The following GABRB2 variants were observed in gnomAD, a reference collection of about 807,000 sequenced individuals.
GABRB2 encodes gamma-aminobutyric acid type A receptor subunit beta2, also known as gamma-aminobutyric acid receptor subunit beta-2.
GABRB2 carries 16 observed loss-of-function variants against 54.7 expected under a neutral mutation model. That is an observed-to-expected ratio of 0.29 (90% confidence interval 0.20 to 0.44). GABRB2 has a LOEUF of 0.44. Ranked by LOEUF, GABRB2 falls within the 20% of genes least tolerant of loss-of-function variation. GABRB2 has a pLI of 1.00. For missense variants in GABRB2, 355 were observed against 644.0 expected, an observed-to-expected ratio of 0.55 and a Z score of 4.86; for synonymous variants, 244 against 233.8, an observed-to-expected ratio of 1.04 and a Z score of -0.40.
intron 3 of GABRB2, among the ~76,000 whole-genome samples, chr5:161,463,555 T>TAGATATATATA (rs1236064276): frequency 5.1e-4 from 12 of 23,710 alleles, no homozygotes; most frequent in African/African-American, 2.0e-3. Context: ...ATATTTTTAT[T>TAGATATATATA]TATATATATA....
At chr5:161,370,156 T>C (rs1460619175) in intron 5 of GABRB2, among the ~76,000 whole-genome samples, 2 of 152,148 alleles carry the variant, frequency 1.3e-5, no homozygotes, top group African/African-American at 4.8e-5. Flanking sequence ...GGATATGACC[T>C]TGTCAAGAAG....
chr5:161,490,019 A>G (rs1581029208), intron 3 of GABRB2, among the ~76,000 whole-genome samples: 2 of 151,800 alleles, frequency 1.3e-5, no homozygotes, highest in Non-Finnish European at 3.0e-5. Context: ...TTGTGCTGTA[A>G]GCATAGAAGC....
intron 5 of GABRB2, among the ~76,000 whole-genome samples, chr5:161,348,986 G>A (rs538058207): frequency 6.6e-6 from 1 of 152,144 alleles, no homozygotes; most frequent in East Asian, 1.9e-4. Flanking sequence ...TAAGTGAATT[G>A]CCAACTCTCT....
intron 5 of GABRB2, among the ~76,000 whole-genome samples, chr5:161,379,936 G>C (rs1561629411): frequency 6.6e-6 from 1 of 152,080 alleles, no homozygotes; most frequent in Non-Finnish European, 1.5e-5. Flanking sequence ...AAAGGGACAA[G>C]ATGCAAAAAG....
chr5:161,495,366 T>C (rs898720157), intron 3 of GABRB2, among the ~76,000 whole-genome samples: 2 of 151,916 alleles, frequency 1.3e-5, no homozygotes, highest in East Asian at 1.9e-4. Flanking sequence ...CAAAATACTA[T>C]AGAAGAAAGA....
intron 3 of GABRB2, among the ~76,000 whole-genome samples, chr5:161,468,949 T>G (rs1758357080): frequency 6.6e-6 from 1 of 151,930 alleles, no homozygotes; most frequent in African/African-American, 2.4e-5. Context: ...ATAAAAATAT[T>G]TATGACATGA....
intron 3 of GABRB2, among the ~76,000 whole-genome samples, chr5:161,511,483 T>C (rs922104013): frequency 6.6e-6 from 1 of 151,986 alleles, no homozygotes; most frequent in African/African-American, 2.4e-5. Context: ...ACTGAAAATG[T>C]GGGATAATAT....
At chr5:161,419,964 A>C (rs1194867344) in intron 4 of GABRB2, among the ~76,000 whole-genome samples, 1 of 152,192 alleles carries the variant, frequency 6.6e-6, no homozygotes, top group African/African-American at 2.4e-5. Context: ...ATCTATAAAA[A>C]TAAAAATAAA....
rs575437690 is a variant in GABRB2 at position 161,404,198 on chromosome 5, A to G, written c.541+6777T>C. ...GGACCAACTGTTAAACCAAGACCACATTCCAACAAAGTATCTTCACACAGC... is the reference window on the plus strand; with the variant it reads ...GGACCAACTGTTAAACCAAGACCACGTTCCAACAAAGTATCTTCACACAGC... On this transcript the variant is annotated intron_variant, in intron 5 of 9. Transcript: ENST00000393959. Among the ~76,000 whole-genome samples the G allele has an allele frequency of 2.3e-4, 35 of 152,300 alleles. 1 individual carries two copies. The South Asian group carries it at 6.8e-3, about 30-fold the overall frequency.
At chr5:161,442,410 A>G (rs1234486130) in intron 4 of GABRB2, among the ~76,000 whole-genome samples, 2 of 152,208 alleles carry the variant, frequency 1.3e-5, no homozygotes, top group Non-Finnish European at 2.9e-5. Flanking sequence ...ACTCTCGTGC[A>G]GAATCTTCCA....
chr5:161,478,418 A>C (rs1758659491), intron 3 of GABRB2, among the ~76,000 whole-genome samples: 2 of 152,086 alleles, frequency 1.3e-5, no homozygotes, highest in Admixed American at 6.6e-5. Context: ...GATGTTGGTC[A>C]TGAAAATGAT....
At chr5:161,541,155 G>A (rs1296712260) in intron 3 of GABRB2, among the ~76,000 whole-genome samples, 1 of 150,706 alleles carries the variant, frequency 6.6e-6, no homozygotes, top group Non-Finnish European at 1.5e-5. Flanking sequence ...TGAGCAGTAA[G>A]TCAGTAAGAA....
chr5:161,317,037 G>T (rs1758060044), intron 9 of GABRB2, among the ~76,000 whole-genome samples: 1 of 152,126 alleles, frequency 6.6e-6, no homozygotes. Context: ...TTTTATTTGT[G>T]TGTAGTTTGC....
intron 3 of GABRB2, among the ~76,000 whole-genome samples, chr5:161,467,545 G>T (rs1210305495): frequency 6.6e-6 from 1 of 152,034 alleles, no homozygotes; most frequent in East Asian, 1.9e-4. Context: ...TAGCATATTT[G>T]TAGCTTTTAC....
chr5:161,513,099 G>T (rs1278051934), intron 3 of GABRB2, among the ~76,000 whole-genome samples: 1 of 151,848 alleles, frequency 6.6e-6, no homozygotes, highest in Non-Finnish European at 1.5e-5. Context: ...TGGGGCTGTG[G>T]ATAAAAGGGA....
chr5:161,343,411 C>T (rs895810492), intron 5 of GABRB2, among the ~76,000 whole-genome samples: 4 of 151,654 alleles, frequency 2.6e-5, no homozygotes, highest in Admixed American at 6.6e-5. Flanking sequence ...TCAAATCTTA[C>T]GATGTAGGAG....
chr5:161,412,257 A>C (rs191428423), intron 4 of GABRB2, among the ~76,000 whole-genome samples: 1 of 152,310 alleles, frequency 6.6e-6, no homozygotes, highest in Non-Finnish European at 1.5e-5. Context: ...GATTAACTTG[A>C]AGTAAGTCAT....
At chr5:161,463,551 T>C (rs2962418) in intron 3 of GABRB2, among the ~76,000 whole-genome samples, 1 of 30,258 alleles carries the variant, frequency 3.3e-5, no homozygotes, top group African/African-American at 1.1e-4. Context: ...CCAAATATTT[T>C]TATTTATATA....
In GABRB2 at chr5:161,542,166, A is replaced by G. The variant is rs1007159552; in HGVS notation, c.237+3061T>C. Among the ~76,000 whole-genome samples the G allele has an allele frequency of 1.1e-4, 17 of 152,296 alleles. No individual in the cohort carries two copies. In the East Asian group the frequency reaches 3.1e-3, roughly 28 times the overall value. On this transcript the variant is annotated intron_variant, in intron 3 of 9. Transcript: ENST00000393959. ...CTCAGTGCAGTTCATGGTGCCCCCA[A>G]ACAATTGCAATAGTAACATCAGAGA...
Sources: gnomAD v4.1 joint callset for allele counts (sites outside exome capture counted in the v4.1 genomes callset) on GRCh38, gnomAD v4.1.1 for gene constraint, MANE v1.5 for transcripts, NCBI Gene and HGNC (gene_info 2026-07-23, HGNC 2026-07-21) for gene names.